The following KALRN variants were observed in gnomAD, a reference collection of about 807,000 sequenced individuals.
KALRN encodes the protein kalirin RhoGEF kinase, also known as kalirin.
A neutral mutation model predicts 353.7 loss-of-function variants in KALRN; 70 were observed. The ratio of observed to expected loss-of-function variants is 0.20; its 90% CI spans 0.16 to 0.24. KALRN has a LOEUF of 0.24. Ranked by LOEUF, KALRN falls within the 10% of genes least tolerant of loss-of-function variation. KALRN has a pLI of 1.00. For missense variants in KALRN, 2,791 were observed against 3,756.7 expected (o/e 0.74, Z 6.72); for synonymous variants, 1,391 against 1,434.8 (o/e 0.97, Z 0.69).
intron 1 of KALRN, among the ~76,000 whole-genome samples, chr3:124,212,767 C>G (rs2077009427): frequency 6.6e-6 from 1 of 152,114 alleles, no homozygotes; most frequent in South Asian, 2.1e-4. Flanking sequence ...CTGAACCTTG[C>G]TAGCATTGAT....
chr3:124,403,504 A>T (rs1255351273), intron 13 of KALRN, among the ~76,000 whole-genome samples: 3 of 152,186 alleles, frequency 2.0e-5, no homozygotes, highest in African/African-American at 4.8e-5. Flanking sequence ...TGCTTAATGC[A>T]CCTGAAAGTT....
intron 6 of KALRN, among the ~76,000 whole-genome samples, chr3:124,301,823 C>A (rs973022164): frequency 2.0e-5 from 3 of 151,708 alleles, no homozygotes; most frequent in Non-Finnish European, 2.9e-5. Context: ...CGTTTCCGTT[C>A]TTGGAAATTA....
chr3:124,710,883 C>A (rs985624312), intron 57 of KALRN, among the ~76,000 whole-genome samples: 1 of 152,182 alleles, frequency 6.6e-6, no homozygotes, highest in African/African-American at 2.4e-5. Flanking sequence ...CAACTACAAA[C>A]CTTTTTCTAA....
intron 3 of KALRN, among the ~76,000 whole-genome samples, chr3:124,249,999 C>A (rs144860696): frequency 9.2e-4 from 140 of 152,282 alleles, no homozygotes; most frequent in African/African-American, 3.3e-3. Flanking sequence ...AGGGTAACAG[C>A]CGCCTGCCCT....
At chr3:124,419,582 G>A (rs1229850122) in intron 14 of KALRN, among the ~76,000 whole-genome samples, 1 of 152,096 alleles carries the variant, frequency 6.6e-6, no homozygotes, top group Non-Finnish European at 1.5e-5. Context: ...TGGGTGATAT[G>A]AGTGAAGCAT....
In KALRN at chr3:124,673,381, G is replaced by A. The variant is rs919108562; in HGVS notation, c.6943-983G>A. 1.5e-4 allele frequency among the ~76,000 whole-genome samples: 18 copies of A among 118,048 alleles called. 1 individual carries two copies. The highest frequency in any genetic ancestry group is 1.0e-3 in the Admixed American group (12 of 11,724). The allele number at this position is 118,048 out of a possible 152,430, so 77.4% of individuals were successfully genotyped here. A position where few individuals can be genotyped will look rare whatever the true frequency, so the allele number is the denominator to read the frequency against. On this transcript the variant is annotated intron_variant, in intron 48 of 59. Transcript: ENST00000682506. ...AGCCTAGGTGACATAGCAAGACCGT[G>A]TCTCAAAAACAAACAAAAAGTATAT... is the stretch of plus-strand genomic sequence containing the variant.
chr3:124,082,279 C>T, intron 1 of KALRN: 1 of 471,146 alleles, frequency 2.1e-6, no homozygotes, highest in South Asian at 1.5e-5. Context: ...AACATAACCT[C>T]AAGTATCTTT....
intron 1 of KALRN, among the ~76,000 whole-genome samples, chr3:124,091,236 G>T (rs34799108): frequency 0.05 from 7,630 of 152,320 alleles, 643 homozygotes; most frequent in East Asian, 0.38. Context: ...GAGCCCGCTT[G>T]TTGGGGCAGG....
chr3:124,134,851 G>A (rs2065741959), intron 1 of KALRN, among the ~76,000 whole-genome samples: 1 of 152,120 alleles, frequency 6.6e-6, no homozygotes. Flanking sequence ...TGCAAGAATG[G>A]CCATAATAAG....
In KALRN at chr3:124,125,920, A is replaced by G. The variant is rs1056872571; in HGVS notation, c.73+92107A>G. Among the ~76,000 whole-genome samples the G allele has an allele frequency of 9.2e-5, 14 of 152,228 alleles. No homozygotes were observed. In the East Asian group the frequency reaches 2.3e-3, roughly 25 times the overall value. On this transcript the variant is annotated intron_variant, in intron 1 of 59. Transcript: ENST00000682506. ...GAGCAGGAGTGGTTCCATGAGTTAGAGGCTGCGTCTTGGTTTGCGTCCTGA... is the reference window on the plus strand; with the variant it reads ...GAGCAGGAGTGGTTCCATGAGTTAGGGGCTGCGTCTTGGTTTGCGTCCTGA...
intron 34 of KALRN, among the ~76,000 whole-genome samples, chr3:124,600,026 G>A (rs1461648780): frequency 2.0e-5 from 3 of 152,256 alleles, no homozygotes; most frequent in Non-Finnish European, 4.4e-5. Flanking sequence ...GGCTGCAAGA[G>A]CAAAATCAGA....
chr3:124,565,462 C>T (rs1327342356), intron 34 of KALRN, among the ~76,000 whole-genome samples: 1 of 152,208 alleles, frequency 6.6e-6, no homozygotes, highest in Non-Finnish European at 1.5e-5. Flanking sequence ...ACAGCAGTGC[C>T]TGGCATTCAA....
At chr3:124,684,565 A>C (rs193104811) in intron 51 of KALRN, among the ~76,000 whole-genome samples, 1 of 152,278 alleles carries the variant, frequency 6.6e-6, no homozygotes, top group Non-Finnish European at 1.5e-5. Flanking sequence ...CTGAGCCCCA[A>C]GTTCCTCTGG....
Position 124,632,469 on chromosome 3 carries a change from G to T in KALRN, c.5232G>T (p.Val1744=). The T allele has an allele frequency of 6.2e-7, 1 of 1,613,730 alleles. No individual in the cohort carries two copies. ...SSENGGKSES[V]ANLQAQPSLN... is the part of the protein sequence containing the mutation. ...AGAATGGAGGCAAGTCCGAGTCCGT[G>T]GCCAACCTGCAGGCCCAGCCCTCCC... The change falls in exon 35 of 60, where the codon GTG becomes GTT. Residue 1744 remains valine, a synonymous_variant. Transcript: ENST00000682506.
rs10634082 is a variant in KALRN at position 124,110,469 on chromosome 3, G to GCGCGCA, written c.73+76657_73+76658insGCGCAC. On this transcript the variant is annotated intron_variant, in intron 1 of 59. Transcript: ENST00000682506. ...ATATATTTCATATATACACACGCGC[G>GCGCGCA]CACACACACACACACACACACACAC... Among the ~76,000 whole-genome samples the GCGCGCA allele has an allele frequency of 1.8e-3, 240 of 134,050 alleles. 11 individuals carry two copies. Among genetic ancestry groups the GCGCGCA allele is most frequent in the East Asian group, 8.0e-3 (40 of 4,996 alleles). The allele number at this position is 134,050 out of a possible 152,430, so 87.9% of individuals were successfully genotyped here.
At chr3:124,170,180 TG>T (rs1298440811) in intron 1 of KALRN, among the ~76,000 whole-genome samples, 1 of 152,240 alleles carries the variant, frequency 6.6e-6, no homozygotes, top group African/African-American at 2.4e-5. Flanking sequence ...CTTCAAGATG[TG>T]GCTTTACCCC....
chr3:124,063,246 G>A (rs1391665761), intron 1 of KALRN, among the ~76,000 whole-genome samples: 13 of 152,202 alleles, frequency 8.5e-5, no homozygotes. Context: ...TGAGGGTTCA[G>A]CGTCTTTAAT....
At chr3:124,703,507 A>C (rs2062446899) in intron 57 of KALRN, among the ~76,000 whole-genome samples, 1 of 152,194 alleles carries the variant, frequency 6.6e-6, no homozygotes, top group Non-Finnish European at 1.5e-5. Flanking sequence ...AAAAAGATAG[A>C]GATCGGTTAT....
Position 124,460,817 on chromosome 3 carries a change from T to A in KALRN, c.3855-1073T>A, listed in dbSNP as rs115061719. On this transcript the variant is annotated intron_variant, in intron 23 of 59. Coordinates refer to ENST00000682506, the MANE Select transcript of KALRN (RefSeq NM_001388419.1). ...TATAGAATATACCACAACGAGGCCA[T>A]GTATCGTAAGTTTAACAATTGTCTA... Among the ~76,000 whole-genome samples, 995 of 152,276 alleles carry A rather than the reference T, an allele frequency of 6.5e-3. 10 individuals are homozygous for A. The highest frequency in any genetic ancestry group is 8.4e-3 in the Non-Finnish European group (572 of 68,018).
Sources: allele counts gnomAD v4.1 joint callset (sites outside exome capture counted in the v4.1 genomes callset), GRCh38; gene constraint gnomAD v4.1.1; transcripts MANE v1.5; gene names NCBI Gene and HGNC (gene_info 2026-07-23, HGNC 2026-07-21).